Variants in RTN1 observed in about 807,000 individuals in gnomAD.
The protein encoded by RTN1 is reticulon-1.
A neutral mutation model predicts 65.5 loss-of-function variants in RTN1; 25 were observed. That is an observed-to-expected ratio of 0.38 (90% CI 0.28 to 0.53). The LOEUF (loss-of-function observed/expected upper bound fraction) is 0.53. Ranked by LOEUF, RTN1 falls within the 20% of genes least tolerant of loss-of-function variation. The pLI is 0.79. For synonymous variants in RTN1, 471 were observed against 447.6 expected (o/e 1.05, Z -0.66); for missense variants, 983 against 1,025.4 (o/e 0.96, Z 0.57).
At chr14:59,838,300 A>T (rs1204378978) in intron 1 of RTN1, among the ~76,000 whole-genome samples, 2 of 152,208 alleles carry the variant, frequency 1.3e-5, no homozygotes, top group African/African-American at 2.4e-5. Flanking sequence ...CCGAAAGGAC[A>T]TTTGACAATT....
At chr14:59,750,252 A>ATATATATTATATC (rs1566713462) in intron 1 of RTN1, among the ~76,000 whole-genome samples, 3 of 41,246 alleles carry the variant, frequency 7.3e-5, no homozygotes, top group African/African-American at 2.2e-4. Flanking sequence ...TATCTATAAT[A>ATATATATTATATC]TATAATATAT....
At chr14:59,737,707 C>T (rs569312385) in intron 2 of RTN1, among the ~76,000 whole-genome samples, 1 of 152,286 alleles carries the variant, frequency 6.6e-6, no homozygotes, top group Admixed American at 6.5e-5. Context: ...ATAGCCAAGA[C>T]AATCCTAAGA....
At chr14:59,707,581 G>A (rs1463786412) in intron 3 of RTN1, among the ~76,000 whole-genome samples, 12 of 152,076 alleles carry the variant, frequency 7.9e-5, no homozygotes, top group Admixed American at 7.9e-4. Context: ...TATAGCAATG[G>A]TGCTGAATTT....
At chr14:59,759,478 A>T (rs1211391780) in intron 1 of RTN1, among the ~76,000 whole-genome samples, 2 of 152,206 alleles carry the variant, frequency 1.3e-5, no homozygotes, top group Non-Finnish European at 2.9e-5. Context: ...GTAGAATCAA[A>T]GCACTGAAAG....
intron 3 of RTN1, among the ~76,000 whole-genome samples, chr14:59,647,946 T>C (rs1882935258): frequency 6.6e-6 from 1 of 151,942 alleles, no homozygotes; most frequent in Non-Finnish European, 1.5e-5. Context: ...AAATCAGGGC[T>C]GAATTGAAGG....
intron 3 of RTN1, among the ~76,000 whole-genome samples, chr14:59,658,031 C>T (rs924387767): frequency 2.0e-5 from 3 of 152,162 alleles, no homozygotes; most frequent in Non-Finnish European, 2.9e-5. Context: ...AGTCTGAAGT[C>T]GACCTGGGAC....
intron 1 of RTN1, among the ~76,000 whole-genome samples, chr14:59,838,134 T>C (rs1035467312): frequency 1.3e-5 from 2 of 152,164 alleles, no homozygotes; most frequent in East Asian, 3.8e-4. Flanking sequence ...TCAGTGTCAA[T>C]TGTTCCTGTC....
intron 1 of RTN1, among the ~76,000 whole-genome samples, chr14:59,768,634 A>C (rs1885894537): frequency 6.6e-6 from 1 of 152,172 alleles, no homozygotes; most frequent in Non-Finnish European, 1.5e-5. Flanking sequence ...GGGGAGGCTT[A>C]GCCCTGGGAT....
intron 1 of RTN1, among the ~76,000 whole-genome samples, chr14:59,824,337 GCT>G (rs1886993876): frequency 6.6e-6 from 1 of 152,036 alleles, no homozygotes; most frequent in Non-Finnish European, 1.5e-5. Flanking sequence ...TGTATGGATG[GCT>G]TTATAAAATA....
At chr14:59,751,943 CG>C (rs577681534) in intron 1 of RTN1, among the ~76,000 whole-genome samples, 26 of 152,274 alleles carry the variant, frequency 1.7e-4, no homozygotes, top group African/African-American at 6.0e-4. Context: ...CCCTCCACTC[CG>C]GGCATACAAA....
At chr14:59,648,196 G>C (rs1436973383) in intron 3 of RTN1, among the ~76,000 whole-genome samples, 1 of 152,050 alleles carries the variant, frequency 6.6e-6, no homozygotes, top group Non-Finnish European at 1.5e-5. Flanking sequence ...ACCTAGAAGA[G>C]ATAAATAAAT....
chr14:59,668,566 C>T (rs975714947), intron 3 of RTN1, among the ~76,000 whole-genome samples: 5 of 152,148 alleles, frequency 3.3e-5, no homozygotes, highest in African/African-American at 1.2e-4. Flanking sequence ...GCCTAAAACA[C>T]CAAAAGCAAT....
At chr14:59,835,856 T>C (rs966799322) in intron 1 of RTN1, among the ~76,000 whole-genome samples, 22 of 152,228 alleles carry the variant, frequency 1.4e-4, no homozygotes, top group African/African-American at 5.3e-4. Context: ...ACCACAAATG[T>C]AGGGGCTTAA....
intron 3 of RTN1, among the ~76,000 whole-genome samples, chr14:59,713,153 A>T (rs2139459322): frequency 6.6e-6 from 1 of 152,234 alleles, no homozygotes; most frequent in South Asian, 2.1e-4. Context: ...AGCTAGTAGT[A>T]AGTGGAGAAG....
chr14:59,804,225 TG>T (rs1566732553), intron 1 of RTN1, among the ~76,000 whole-genome samples: 1 of 152,170 alleles, frequency 6.6e-6, no homozygotes, highest in African/African-American at 2.4e-5. Flanking sequence ...TGAGAAGTAC[TG>T]GTCAGGTATA....
At chr14:59,644,428 A>G (rs1375889567) in intron 3 of RTN1, among the ~76,000 whole-genome samples, 1 of 152,012 alleles carries the variant, frequency 6.6e-6, no homozygotes, top group Non-Finnish European at 1.5e-5. Context: ...ACCTCATTGA[A>G]CCCACTCCAT....
intron 3 of RTN1, among the ~76,000 whole-genome samples, chr14:59,641,618 G>A (rs182792315): frequency 3.3e-5 from 5 of 152,116 alleles, no homozygotes; most frequent in East Asian, 1.9e-4. Context: ...TGATCCACCC[G>A]CCTTGGCCTC....
At position 59,727,094 on chromosome 14, in the gene RTN1, G is replaced by C; in HGVS notation, c.1590C>G (p.Pro530=). 1 of 1,611,226 alleles carries C rather than the reference G, an allele frequency of 6.2e-7. No individual in the cohort carries two copies. The highest frequency in any genetic ancestry group is 8.5e-7 in the Non-Finnish European group (1 of 1,178,708). Residue 530 remains proline (P), a synonymous_variant, in exon 3 of 9, where the codon CCC becomes CCG. Coordinates refer to ENST00000267484, the MANE Select transcript of RTN1 (RefSeq NM_021136.3). The surrounding 1 kb of genome is among the most constrained non-coding windows in gnomAD (Gnocchi z 4.2). ...CAGGGGGCAGCTCGGGGCCAGGCTG[G>C]GGCTCAGTTGAGGGGTAGTCGAGGA... ...GSFLDYPSTE[P]QPGPELPPGD... is the part of the protein sequence containing the mutation.
chr14:59,710,869 C>T (rs1884405333), intron 3 of RTN1, among the ~76,000 whole-genome samples: 1 of 152,236 alleles, frequency 6.6e-6, no homozygotes, highest in African/African-American at 2.4e-5. Flanking sequence ...TAATTGCTGT[C>T]ATTTCCAAAG....
Sources: allele counts gnomAD v4.1 joint callset (sites outside exome capture counted in the v4.1 genomes callset), GRCh38; gene constraint gnomAD v4.1.1; non-coding constraint Gnocchi (gnomAD v3.1); transcripts MANE v1.5; gene names NCBI Gene and HGNC (gene_info 2026-07-23, HGNC 2026-07-21).